Variants in MCUR1 observed in about 807,000 individuals in gnomAD.
MCUR1 encodes the protein mitochondrial calcium uniporter regulator 1.
Under a neutral mutation model 42.0 loss-of-function variants are expected in MCUR1, and 37 were observed. The observed-to-expected ratio is 0.88, with a 90% CI of 0.68 to 1.16. The LOEUF (loss-of-function observed/expected upper bound fraction) is 1.16. Ranked by LOEUF, MCUR1 falls within the 50% of genes most tolerant of loss-of-function variation. The pLI, the probability that MCUR1 is intolerant of heterozygous loss-of-function variation, is 0.00. For synonymous variants in MCUR1, 229 were observed against 196.2 expected, an observed-to-expected ratio of 1.17 and a Z score of -1.40; for missense variants, 469 against 468.4, an observed-to-expected ratio of 1.00 and a Z score of -0.01.
At position 13,803,934 on chromosome 6, in the gene MCUR1, C is replaced by A. The variant is rs1438774260; in HGVS notation, c.536-1588G>T. The A allele has an allele frequency of 8.4e-6, 8 of 950,354 alleles. No individual in the cohort carries two copies. The South Asian group carries it at 2.4e-4, about 29-fold the overall frequency. The allele number at this position is 950,354 out of a possible 1,614,324, so 58.9% of individuals were successfully genotyped here. A position where few individuals can be genotyped will look rare whatever the true frequency, so the allele number is the denominator to read the frequency against. ...GATCTTTGAGCCCAGGAGTTCAGAA[C>A]CAGCATGGGCAACATAGTGATCCCA... On this transcript the variant is annotated intron_variant, in intron 2 of 8. Transcript: ENST00000379170.
intron 2 of MCUR1, among the ~76,000 whole-genome samples, chr6:13,803,092 G>A (rs1356738292): frequency 2.6e-5 from 4 of 151,632 alleles, no homozygotes; most frequent in South Asian, 2.1e-4. Context: ...ACAGAGTTTC[G>A]CTCTTGTTGC....
At chr6:13,804,814 A>AAAAAAAAAAAAAAAAAAAAAAAAAAAAG (rs1230089057) in intron 2 of MCUR1, among the ~76,000 whole-genome samples, 2 of 148,804 alleles carry the variant, frequency 1.3e-5, no homozygotes, top group African/African-American at 5.0e-5. Context: ...AAAAAAAAAA[A>AAAAAAAAAAAAAAAAAAAAAAAAAAAAG]GTGGAAGTCT....
rs921436202 is a variant in MCUR1, at chr6:13,789,153, A to T, written c.*1656T>A. 6.6e-6 allele frequency: 1 copy of T among 152,270 alleles called. No homozygotes were observed. The highest frequency in any genetic ancestry group is 2.4e-5 in the African/African-American group (1 of 41,462). The allele number at this position is 152,270 out of a possible 1,614,324, so 9.4% of individuals were successfully genotyped here. ...CGCAGCGGCTCACGCCTGTAATCCC[A>T]CTACTTTGGGAGACCAAGGCGGGTG... is the stretch of plus-strand genomic sequence containing the variant. On this transcript the variant is annotated 3_prime_UTR_variant, in exon 9 of 9. Transcript: ENST00000379170.
In MCUR1 at chr6:13,790,743, G is replaced by A. The variant is rs968698561; in HGVS notation, c.*66C>T. On this transcript the variant is annotated 3_prime_UTR_variant, in exon 9 of 9. Coordinates refer to ENST00000379170, the MANE Select transcript of MCUR1 (RefSeq NM_001031713.4). The stretch of plus-strand genomic sequence containing the variant: ...GCTGGAATTACAGGTGTGAGCCACC[G>A]CACCCAGCCAACAATCTGGTATTCT... 29 of 1,303,508 alleles carry A rather than the reference G, an allele frequency of 2.2e-5. No individual in the cohort carries two copies. Among genetic ancestry groups the A allele is most frequent in the Admixed American group, 1.1e-4 (6 of 54,690 alleles). The allele number at this position is 1,303,508 out of a possible 1,614,324, so 80.7% of individuals were successfully genotyped here. A position where few individuals can be genotyped will look rare whatever the true frequency, so the allele number is the denominator to read the frequency against.
intron 6 of MCUR1, among the ~76,000 whole-genome samples, chr6:13,796,074 G>C (rs1271617745): frequency 1.3e-5 from 2 of 152,078 alleles, no homozygotes; most frequent in African/African-American, 4.8e-5. Flanking sequence ...TCCAGATAAA[G>C]TAATTACATG....
intron 7 of MCUR1, 133 bp from the exon 8 acceptor site, chr6:13,792,125 C>G: frequency 4.4e-6 from 3 of 674,840 alleles, no homozygotes; most frequent in Middle Eastern, 2.4e-4. Flanking sequence ...GCTTTAGTCT[C>G]AGTTCTAAAA....
At chr6:13,813,931 C>A in intron 1 of MCUR1, 84 bp downstream of exon 1, 1 of 1,210,078 alleles carries the variant, frequency 8.3e-7, no homozygotes, top group Non-Finnish European at 1.0e-6. Flanking sequence ...CGGGCCTTTC[C>A]TCGGGGAGGC....
rs1429746668 is a variant in MCUR1, at chr6:13,814,354, C to T, written c.76G>A (p.Gly26Ser). The T allele has an allele frequency of 1.3e-6, 2 of 1,522,366 alleles. No homozygotes were observed. Among genetic ancestry groups the T allele is most frequent in the Non-Finnish European group, 1.7e-6 (2 of 1,143,324 alleles). 94.3% of individuals were successfully genotyped at this position (1,522,366 alleles called of 1,614,324 possible). ...GRQRLLFLPV[G>S]LSGRPGGSET... Reference sequence around the variant, plus strand: ...CTGCCGCCCGGTCTTCCGCTGAGGCCCACGGGCAAGAAGAGAAGCCGCTGG... The same window carrying T: ...CTGCCGCCCGGTCTTCCGCTGAGGCTCACGGGCAAGAAGAGAAGCCGCTGG... Residue 26 changes from glycine to serine, a missense_variant, in exon 1 of 9, where the codon GGC becomes AGC. Transcript: ENST00000379170.
At chr6:13,808,553 C>T (rs1325551660) in intron 1 of MCUR1, among the ~76,000 whole-genome samples, 1 of 152,068 alleles carries the variant, frequency 6.6e-6, no homozygotes, top group Non-Finnish European at 1.5e-5. Flanking sequence ...TCTTTTGTTG[C>T]TTGTGCTTTT....
chr6:13,793,773 TAA>T, intron 7 of MCUR1, 119 bp downstream of exon 7: 1 of 813,314 alleles, frequency 1.2e-6, no homozygotes, highest in Non-Finnish European at 2.0e-6. Context: ...TAGCACAATG[TAA>T]AAAATTCCCA....
At position 13,814,499 on chromosome 6, in the gene MCUR1, AG is replaced by A; in HGVS notation, c.-71del. On this transcript the variant is annotated 5_prime_UTR_variant, in exon 1 of 9. Coordinates refer to ENST00000379170, the MANE Select transcript of MCUR1 (RefSeq NM_001031713.4). Reference sequence around the variant, plus strand: ...TTTTGGCGCCGGCCACGCGCGGTCCAGGCCCAGAGTCCGACAGCGGGAGCGA... The same window carrying A: ...TTTTGGCGCCGGCCACGCGCGGTCCAGCCCAGAGTCCGACAGCGGGAGCGA... 1.5e-6 allele frequency: 2 copies of A among 1,360,514 alleles called. No individual in the cohort carries two copies. Among genetic ancestry groups the A allele is most frequent in the Non-Finnish European group, 1.9e-6 (2 of 1,060,302 alleles). The allele number at this position is 1,360,514 out of a possible 1,614,324, so 84.3% of individuals were successfully genotyped here. A position where few individuals can be genotyped will look rare whatever the true frequency, so the allele number is the denominator to read the frequency against.
chr6:13,804,630 C>T (rs1157003303), intron 2 of MCUR1, among the ~76,000 whole-genome samples: 1 of 151,434 alleles, frequency 6.6e-6, no homozygotes, highest in African/African-American at 2.4e-5. Context: ...AAAAATTAGC[C>T]AGGCGTTGTG....
rs1313044554 is a variant in MCUR1, at chr6:13,807,044, T to A, written c.416A>T (p.Glu139Val). Reference sequence around the variant, plus strand: ...CAGGGATCCAGCAGACAAGCTTAGCTCTAGGGTGGAAAGGACAGTAAGCTC... The same window carrying A: ...CAGGGATCCAGCAGACAAGCTTAGCACTAGGGTGGAAAGGACAGTAAGCTC... ...PAPALVSCRR[E>V]LSLSAGSLQL... Residue 139 changes from glutamate (E) to valine (V), a missense_variant and splice_region_variant, in exon 2 of 9, where the codon GAG becomes GTG. Glu to Val is a moderately radical substitution (Grantham distance 121, BLOSUM62 -2). Coordinates refer to ENST00000379170, the MANE Select transcript of MCUR1 (RefSeq NM_001031713.4). 1.2e-6 allele frequency: 2 copies of A among 1,605,074 alleles called. No homozygotes were observed. Among genetic ancestry groups the A allele is most frequent in the Non-Finnish European group, 1.7e-6 (2 of 1,174,672 alleles).
rs1413945222 is a variant in MCUR1 at position 13,787,926 on chromosome 6, G to A, written c.*2883C>T. 6.6e-5 allele frequency: 10 copies of A among 152,124 alleles called. No individual in the cohort carries two copies. The East Asian group carries it at 1.3e-3, about 20-fold the overall frequency. The allele number at this position is 152,124 out of a possible 1,614,324, so 9.4% of individuals were successfully genotyped here. On this transcript the variant is annotated 3_prime_UTR_variant, in exon 9 of 9. Coordinates refer to ENST00000379170, the MANE Select transcript of MCUR1 (RefSeq NM_001031713.4). ...GCCCAGGCAGATCTCGTCTGGGCCC[G>A]AGTCTCGTTGCAGTGGTGTAATCTC...
intron 2 of MCUR1, among the ~76,000 whole-genome samples, chr6:13,806,515 A>G (rs886502887): frequency 6.6e-6 from 1 of 152,250 alleles, no homozygotes; most frequent in African/African-American, 2.4e-5. Context: ...CAAAGAGACA[A>G]TGTGTGAGAA....
intron 5 of MCUR1, 97 bp downstream of exon 5, chr6:13,800,244 A>G: frequency 1.2e-6 from 1 of 812,200 alleles, no homozygotes; most frequent in Non-Finnish European, 1.9e-6. Flanking sequence ...CATTTCACAA[A>G]GAATTAAGTT....
At chr6:13,801,599 C>T (rs1312508540) in intron 3 of MCUR1, among the ~76,000 whole-genome samples, 2 of 152,080 alleles carry the variant, frequency 1.3e-5, no homozygotes, top group Non-Finnish European at 2.9e-5. Flanking sequence ...CCTGTAATCC[C>T]AATACCTGGG....
intron 6 of MCUR1, among the ~76,000 whole-genome samples, chr6:13,797,507 C>T (rs1427045947): frequency 6.7e-6 from 1 of 149,372 alleles, no homozygotes; most frequent in Non-Finnish European, 1.5e-5. Flanking sequence ...AGGAGATCGA[C>T]ACCATCCTGG....
In MCUR1 at chr6:13,793,884, T is replaced by C. The variant is rs1759792713; in HGVS notation, c.909+10A>G. The C allele has an allele frequency of 2.5e-6, 4 of 1,612,418 alleles. No homozygotes were observed. Among genetic ancestry groups the C allele is most frequent in the Non-Finnish European group, 2.5e-6 (3 of 1,178,998 alleles). On this transcript the variant is annotated intron_variant, in intron 7 of 8. Transcript: ENST00000379170. ...CAAAGACAAAGAAAAATCACAGTCT[T>C]GTTTCTTACCAATGCCACTATTTCT... is the stretch of plus-strand genomic sequence containing the variant.
Sources: allele counts gnomAD v4.1 joint callset (sites outside exome capture counted in the v4.1 genomes callset), GRCh38; gene constraint gnomAD v4.1.1; transcripts MANE v1.5; gene names NCBI Gene and HGNC (gene_info 2026-07-23, HGNC 2026-07-21).